Variants in ZNF775 observed in about 807,000 individuals in gnomAD.
ZNF775 encodes zinc finger protein 775.
A neutral mutation model predicts 2.4 loss-of-function variants in ZNF775; 1 was observed. That is an observed-to-expected ratio of 0.41 (90% CI 0.15 to 1.94). The LOEUF is 1.94. ZNF775 is among the 30% of genes most tolerant of loss of function. The pLI is 0.30. For synonymous variants in ZNF775, 381 were observed against 373.3 expected, an observed-to-expected ratio of 1.02 and a Z score of -0.24; for missense variants, 823 against 826.6, an observed-to-expected ratio of 1.00 and a Z score of 0.05.
intron 1 of ZNF775, among the ~76,000 whole-genome samples, chr7:150,381,561 C>T (rs1800362451): frequency 6.6e-6 from 1 of 150,936 alleles, no homozygotes; most frequent in African/African-American, 2.4e-5. Flanking sequence ...CCCCACCCCC[C>T]ACCGCCCCCG....
rs772396858 is a variant in ZNF775 at position 150,398,110 on chromosome 7, G to A, written c.*15G>A. ...AGGCGCGCTAGTGGACTGGACCTCAGCGGACCCGTGGTGGTGCGGGGGATG... is the reference window on the plus strand; with the variant it reads ...AGGCGCGCTAGTGGACTGGACCTCAACGGACCCGTGGTGGTGCGGGGGATG... On this transcript the variant is annotated 3_prime_UTR_variant, in exon 3 of 3. Transcript: ENST00000329630. The A allele has an allele frequency of 6.2e-5, 95 of 1,539,820 alleles. No homozygotes were observed. Among genetic ancestry groups the A allele is most frequent in the Non-Finnish European group, 8.0e-5 (92 of 1,147,640 alleles).
In ZNF775 at chr7:150,396,537, AG is replaced by A; in HGVS notation, c.57del (p.Lys19AsnfsTer78). ...GGAGCTGGGCTGGTGATGAAGGTCA[AG>A]CAGGAGAAGCCGGAGCGGCTGCTGC... ...GTGAGLVMKV[K>X]QEKPERLLQT... On this transcript the variant is annotated frameshift_variant, in exon 3 of 3. Coordinates refer to ENST00000329630, the MANE Select transcript of ZNF775 (RefSeq NM_173680.4). LOFTEE classifies it low-confidence loss of function (END_TRUNC). 2 of 1,601,576 alleles carry A rather than the reference AG, an allele frequency of 1.2e-6. No homozygotes were observed.
chr7:150,397,157 G>A lies in ZNF775; in HGVS notation c.676G>A (p.Glu226Lys), dbSNP rs780657474. The A allele has an allele frequency of 5.5e-6, 8 of 1,445,014 alleles. No homozygotes were observed. The highest frequency in any genetic ancestry group is 3.0e-5 in the African/African-American group (2 of 66,148). 89.5% of individuals were successfully genotyped at this position (1,445,014 alleles called of 1,614,324 possible). The change falls in exon 3 of 3, where the codon GAG becomes AAG. Residue 226 changes from glutamate (E) to lysine (K), a missense_variant. Coordinates refer to ENST00000329630, the MANE Select transcript of ZNF775 (RefSeq NM_173680.4). ...DRQGSRAGLHELIQDAAARRA... is the reference protein window; with the variant it reads ...DRQGSRAGLHKLIQDAAARRA... Reference sequence around the variant, plus strand: ...CCAGGGCTCCCGCGCCGGCCTGCACGAGCTGATTCAGGACGCGGCGGCGCG... The same window carrying A: ...CCAGGGCTCCCGCGCCGGCCTGCACAAGCTGATTCAGGACGCGGCGGCGCG...
intron 1 of ZNF775, among the ~76,000 whole-genome samples, chr7:150,385,159 C>T (rs2129620918): frequency 6.6e-6 from 1 of 152,266 alleles, no homozygotes; most frequent in South Asian, 2.1e-4. Context: ...CATCAGAGCC[C>T]CACCAGGGGC....
chr7:150,395,817 G>A lies in ZNF775; in HGVS notation c.32-696G>A, dbSNP rs113539713. ...ATTGGATTTAACACAAAGGGAAGGC[G>A]ACACCTCTTTTGGGTGCTGAGGTCT... is the stretch of plus-strand genomic sequence containing the variant. On this transcript the variant is annotated intron_variant, in intron 2 of 2. Transcript: ENST00000329630. 3.8e-3 allele frequency among the ~76,000 whole-genome samples: 580 copies of A among 152,312 alleles called. 1 individual carries two copies. The highest frequency in any genetic ancestry group is 0.013 in the African/African-American group (539 of 41,566).
intron 1 of ZNF775, among the ~76,000 whole-genome samples, chr7:150,381,758 G>C (rs1195766856): frequency 6.6e-6 from 1 of 152,112 alleles, no homozygotes; most frequent in Non-Finnish European, 1.5e-5. Context: ...TCTTTGGGTT[G>C]GACAGTGGCC....
At position 150,382,443 on chromosome 7, in the gene ZNF775, T is replaced by A. The variant is rs1222698767; in HGVS notation, c.-50+3051T>A. 4.6e-5 allele frequency among the ~76,000 whole-genome samples: 7 copies of A among 152,102 alleles called. No homozygotes were observed. The highest frequency in any genetic ancestry group is 1.2e-4 in the African/African-American group (5 of 41,432). On this transcript the variant is annotated intron_variant, in intron 1 of 2. Transcript: ENST00000329630. The surrounding 1 kb of genome is among the most constrained non-coding windows in gnomAD (Gnocchi z 4.6). ...GGCTCAGTGGTGGGTGGGCTGGGAC[T>A]TGGGGTTCTTGATTAAGACATGGGG... is the stretch of plus-strand genomic sequence containing the variant.
chr7:150,394,618 T>G (rs1800616196), intron 2 of ZNF775, among the ~76,000 whole-genome samples: 1 of 152,096 alleles, frequency 6.6e-6, no homozygotes, highest in Non-Finnish European at 1.5e-5. Context: ...TATTCTTAGT[T>G]TGCTAGGAGC....
intron 2 of ZNF775, among the ~76,000 whole-genome samples, chr7:150,393,107 G>A (rs1473385470): frequency 6.6e-6 from 1 of 151,202 alleles, no homozygotes; most frequent in African/African-American, 2.4e-5. Context: ...ATATTTCACT[G>A]CCCCCCAAGT....
chr7:150,396,454 C>A, intron 2 of ZNF775, 59 bp from the exon 3 acceptor site: 2 of 1,497,348 alleles, frequency 1.3e-6, no homozygotes, highest in Non-Finnish European at 1.8e-6. Flanking sequence ...TTCTCTCCAT[C>A]CCACCCAGCG....
chr7:150,392,643 C>T (rs1301546095), intron 2 of ZNF775, among the ~76,000 whole-genome samples: 2 of 151,782 alleles, frequency 1.3e-5, no homozygotes, highest in Non-Finnish European at 2.9e-5. Flanking sequence ...AAGCAGTCCT[C>T]CCACCTCAGC....
At position 150,398,482 on chromosome 7, in the gene ZNF775, C is replaced by T. The variant is rs894204837; in HGVS notation, c.*387C>T. ...CGGTCCTGCCCACGCTTCAGGATGG[C>T]CGGGGGCTGCCCCTGTGGGAGAGTT... On this transcript the variant is annotated 3_prime_UTR_variant, in exon 3 of 3. Transcript: ENST00000329630. The T allele has an allele frequency of 3.3e-5, 7 of 213,524 alleles. No homozygotes were observed. The highest frequency in any genetic ancestry group is 5.9e-5 in the Admixed American group (1 of 16,952). The allele number at this position is 213,524 out of a possible 1,614,324, so 13.2% of individuals were successfully genotyped here.
At position 150,397,351 on chromosome 7, in the gene ZNF775, C is replaced by A. The variant is rs760553963; in HGVS notation, c.870C>A (p.Phe290Leu). 6.3e-7 allele frequency: 1 copy of A among 1,596,440 alleles called. No homozygotes were observed. The highest frequency in any genetic ancestry group is 8.5e-7 in the Non-Finnish European group (1 of 1,175,018). Residue 290 changes from phenylalanine to leucine, a missense_variant, in exon 3 of 3, where the codon TTC becomes TTA. Physicochemically the swap from Phe to Leu is conservative, Grantham distance 22. Transcript: ENST00000329630. The stretch of plus-strand genomic sequence containing the variant: ...TCTGCAACGAGTGTGGCAAGAGCTT[C>A]ACCTGGTGGTCGTCGCTGAACATCC... ...QFICNECGKS[F>L]TWWSSLNIHQ...
chr7:150,398,065 T>C lies in ZNF775; in HGVS notation c.1584T>C (p.Pro528=). The C allele has an allele frequency of 6.4e-7, 1 of 1,562,046 alleles. No homozygotes were observed. Among genetic ancestry groups the C allele is most frequent in the East Asian group, 2.3e-5 (1 of 42,624 alleles). ...ACCAGCGCGTGCACCGCGCGGCCCC[T>C]GCGTGCAGCCCCAAGGAGGAGGCGC... ...LKHQRVHRAA[P]ACSPKEEAR is the part of the protein sequence containing the mutation. Residue 528 remains proline, a synonymous_variant, in exon 3 of 3, where the codon CCT becomes CCC. Coordinates refer to ENST00000329630, the MANE Select transcript of ZNF775 (RefSeq NM_173680.4).
intron 2 of ZNF775, among the ~76,000 whole-genome samples, chr7:150,395,484 T>C (rs2049393): frequency 0.015 from 2,223 of 152,304 alleles, 52 homozygotes; most frequent in South Asian, 0.091. Flanking sequence ...AAGCAAACAT[T>C]CCCCTGTAAC....
chr7:150,389,720 A>C (rs1405950320), intron 2 of ZNF775, among the ~76,000 whole-genome samples: 2 of 152,026 alleles, frequency 1.3e-5, no homozygotes, highest in East Asian at 3.9e-4. Context: ...GAGTTTGAAA[A>C]ACACTAGCCT....
At chr7:150,396,169 C>T (rs60908649) in intron 2 of ZNF775, among the ~76,000 whole-genome samples, 1 of 152,282 alleles carries the variant, frequency 6.6e-6, no homozygotes, top group South Asian at 2.1e-4. Context: ...TCTCCTCGGC[C>T]TCAGGGTGGA....
chr7:150,392,545 A>ATCTCTC (rs56067146), intron 2 of ZNF775, among the ~76,000 whole-genome samples: 1,384 of 136,612 alleles, frequency 0.01, 37 homozygotes, highest in African/African-American at 0.037. Flanking sequence ...TCCCAAATGG[A>ATCTCTC]TCTCTCTCTC....
rs1585090000 is a variant in ZNF775, at chr7:150,397,678, A to G, written c.1197A>G (p.Glu399=). 7.5e-7 allele frequency: 1 copy of G among 1,336,192 alleles called. No homozygotes were observed. Among genetic ancestry groups the G allele is most frequent in the East Asian group, 3.6e-5 (1 of 27,858 alleles). The allele number at this position is 1,336,192 out of a possible 1,614,324, so 82.8% of individuals were successfully genotyped here. A position where few individuals can be genotyped will look rare whatever the true frequency, so the allele number is the denominator to read the frequency against. The change falls in exon 3 of 3, where the codon GAA becomes GAG. Residue 399 remains glutamate, a synonymous_variant. Coordinates refer to ENST00000329630, the MANE Select transcript of ZNF775 (RefSeq NM_173680.4). ...CTGAGCCCGCCGTTCCGGCCGGGGA[A>G]CCGGGCGACCAGCCGCAGGCCGAGG... The part of the protein sequence containing the change: ...AVAEPAVPAG[E]PGDQPQAEAI...
Sources: allele counts gnomAD v4.1 joint callset (sites outside exome capture counted in the v4.1 genomes callset), GRCh38; gene constraint gnomAD v4.1.1; non-coding constraint Gnocchi (gnomAD v3.1); transcripts MANE v1.5; gene names NCBI Gene and HGNC (gene_info 2026-07-23, HGNC 2026-07-21).